Variants in WRAP73 observed in about 807,000 individuals in gnomAD.
WRAP73 encodes the protein WD repeat-containing protein WRAP73.
Under a neutral mutation model 59.6 loss-of-function variants are expected in WRAP73, and 55 were observed. That is an observed-to-expected ratio of 0.92 (90% confidence interval 0.74 to 1.15). The LOEUF (loss-of-function observed/expected upper bound fraction) is 1.15. WRAP73 is among the 50% of genes most tolerant of loss of function. The pLI, the probability that WRAP73 is intolerant of heterozygous loss-of-function variation, is 0.00. For synonymous variants in WRAP73, 265 were observed against 258.2 expected, an observed-to-expected ratio of 1.03 and a Z score of -0.25; for missense variants, 592 against 608.1, an observed-to-expected ratio of 0.97 and a Z score of 0.28.
At chr1:3,632,374 C>G in intron 9 of WRAP73, 36 bp from the exon 10 acceptor site, 1 of 1,613,796 alleles carries the variant, frequency 6.2e-7, no homozygotes, top group Non-Finnish European at 8.5e-7. Flanking sequence ...CCATTGTCAC[C>G]CTTTCGGGAA....
chr1:3,649,543 C>T (rs931378368), intron 1 of WRAP73, among the ~76,000 whole-genome samples: 1 of 152,218 alleles, frequency 6.6e-6, no homozygotes, highest in Non-Finnish European at 1.5e-5. Context: ...TCCCCAGACC[C>T]CCCACCTGTC....
At chr1:3,645,641 C>A (rs1161501821) in intron 3 of WRAP73, among the ~76,000 whole-genome samples, 2 of 152,222 alleles carry the variant, frequency 1.3e-5, no homozygotes, top group Non-Finnish European at 2.9e-5. Context: ...ATCAGAAAAG[C>A]ACATTATTAA....
intron 10 of WRAP73, 140 bp from the exon 11 acceptor site, chr1:3,631,797 G>T: frequency 1.4e-6 from 2 of 1,438,550 alleles, no homozygotes; most frequent in South Asian, 2.9e-5. Context: ...CTGCAGTCTG[G>T]GTTCAGTTGG....
Position 3,635,088 on chromosome 1 carries a change from C to T in WRAP73, c.739-14G>A, listed in dbSNP as rs370132851. The T allele has an allele frequency of 1.4e-5, 23 of 1,614,198 alleles. No individual in the cohort carries two copies. The African/African-American group carries it at 2.4e-4, about 17-fold the overall frequency. ...AAGGATGCGCACCTGAGGAAGGAAA[C>T]CATGCACAGGTGAGGCAGGGCCCGG... On this transcript the variant is annotated splice_polypyrimidine_tract_variant and intron_variant, in intron 7 of 11. Coordinates refer to ENST00000270708, the MANE Select transcript of WRAP73 (RefSeq NM_017818.4).
intron 3 of WRAP73, among the ~76,000 whole-genome samples, chr1:3,640,819 C>A (rs988471677): frequency 2.6e-5 from 4 of 152,234 alleles, no homozygotes; most frequent in African/African-American, 9.6e-5. Context: ...CATGTGCCAC[C>A]CAGGGCAGAG....
intron 3 of WRAP73, among the ~76,000 whole-genome samples, chr1:3,645,727 A>G (rs1644685342): frequency 6.6e-6 from 1 of 152,226 alleles, no homozygotes; most frequent in Admixed American, 6.5e-5. Context: ...CACTTGACAT[A>G]TGCCTAATTT....
At chr1:3,633,297 A>AG in intron 9 of WRAP73, 101 bp downstream of exon 9, 3 of 1,208,394 alleles carry the variant, frequency 2.5e-6, no homozygotes, top group South Asian at 1.3e-5. Context: ...AGGGAAAAAA[A>AG]GTTTTTTTTT....
chr1:3,645,402 T>C (rs1261306594), intron 3 of WRAP73, among the ~76,000 whole-genome samples: 46 of 130,850 alleles, frequency 3.5e-4, no homozygotes, highest in African/African-American at 1.3e-3. Context: ...GACGGGCGGG[T>C]TGCCCCGTGG....
intron 5 of WRAP73, chr1:3,636,290 C>A (rs1382420671): frequency 6.1e-6 from 3 of 492,262 alleles, no homozygotes; most frequent in Non-Finnish European, 1.1e-5. Context: ...TGCACACTCT[C>A]CCCCTCACCT....
rs1644695822 is a variant in WRAP73 at position 3,646,791 on chromosome 1, AGAG to A, written c.223-12_223-10del. The A allele has an allele frequency of 6.2e-7, 1 of 1,607,640 alleles. No homozygotes were observed. Among genetic ancestry groups the A allele is most frequent in the African/African-American group, 1.3e-5 (1 of 74,494 alleles). On this transcript the variant is annotated splice_polypyrimidine_tract_variant and intron_variant, in intron 2 of 11. Transcript: ENST00000270708. This position sits in a 1 kb window ranked among gnomAD's most constrained non-coding sequence, Gnocchi z 5.1. ...TGCTCTAAAGACCAGACCTGGATTG[AGAG>A]AAGAAAGAAACACACAAGTGCAAAC...
Position 3,650,049 on chromosome 1 carries a change from C to G in WRAP73, c.-50G>C, listed in dbSNP as rs772698789. ...CCCTGCGCCCGAAAACCCGCGGGACCCCTGGGCGCGCAGCAGGCTGCAACA... is the reference window on the plus strand; with the variant it reads ...CCCTGCGCCCGAAAACCCGCGGGACGCCTGGGCGCGCAGCAGGCTGCAACA... On this transcript the variant is annotated 5_prime_UTR_variant, in exon 1 of 12. Coordinates refer to ENST00000270708, the MANE Select transcript of WRAP73 (RefSeq NM_017818.4). The G allele has an allele frequency of 2.6e-6, 4 of 1,518,832 alleles. No individual in the cohort carries two copies. Among genetic ancestry groups the G allele is most frequent in the East Asian group, 2.6e-5 (1 of 38,790 alleles). 94.1% of individuals were successfully genotyped at this position (1,518,832 alleles called of 1,614,324 possible). A position where few individuals can be genotyped will look rare whatever the true frequency, so the allele number is the denominator to read the frequency against.
chr1:3,632,174 A>G, intron 10 of WRAP73, 39 bp downstream of exon 10: 1 of 1,590,558 alleles, frequency 6.3e-7, no homozygotes, highest in Non-Finnish European at 8.6e-7. Flanking sequence ...CACAGGACAC[A>G]GTAAAGGGTG....
intron 3 of WRAP73, among the ~76,000 whole-genome samples, chr1:3,644,562 T>C (rs1172317515): frequency 6.6e-6 from 1 of 152,244 alleles, no homozygotes; most frequent in Non-Finnish European, 1.5e-5. Flanking sequence ...AAAGTTCGCA[T>C]GCAAAGCTGG....
intron 4 of WRAP73, among the ~76,000 whole-genome samples, chr1:3,637,564 A>G (rs1018820463): frequency 6.6e-6 from 1 of 152,252 alleles, no homozygotes; most frequent in Non-Finnish European, 1.5e-5. Context: ...ATGTGTGGCC[A>G]GGCATGGTGG....
In WRAP73 at chr1:3,639,126, A is replaced by C; in HGVS notation, c.340-304T>G. ...AAAGTGACCATAGGTTGCATGTTAT[A>C]ATAACCCTGAGTTACTCAGAGAAAA... On this transcript the variant is annotated intron_variant, in intron 3 of 11. Transcript: ENST00000270708. The surrounding 1 kb of genome is among the most constrained non-coding windows in gnomAD (Gnocchi z 4.3). 1 of 350,780 alleles carries C rather than the reference A, an allele frequency of 2.9e-6. No individual in the cohort carries two copies. Among genetic ancestry groups the C allele is most frequent in the South Asian group, 3.4e-5 (1 of 29,800 alleles). 21.7% of individuals were successfully genotyped at this position (350,780 alleles called of 1,614,324 possible).
intron 3 of WRAP73, 71 bp from the exon 4 acceptor site, chr1:3,638,893 C>T: frequency 1.9e-6 from 3 of 1,563,862 alleles, no homozygotes; most frequent in South Asian, 1.1e-5. Context: ...CAATCCTCAA[C>T]CCGCCCACGC....
At position 3,635,308 on chromosome 1, in the gene WRAP73, A is replaced by G; in HGVS notation, c.604-14T>C. 6.2e-7 allele frequency: 1 copy of G among 1,613,460 alleles called. No individual in the cohort carries two copies. Among genetic ancestry groups the G allele is most frequent in the Non-Finnish European group, 8.5e-7 (1 of 1,179,856 alleles). ...CAGAATCTTGTACTGCAGATGAGAC[A>G]TTTCAGTTAATAATGAATACACCCC... On this transcript the variant is annotated splice_polypyrimidine_tract_variant and intron_variant, in intron 6 of 11. Transcript: ENST00000270708.
chr1:3,643,412 C>G (rs930077065), intron 3 of WRAP73, among the ~76,000 whole-genome samples: 2 of 152,256 alleles, frequency 1.3e-5, no homozygotes, highest in Admixed American at 6.5e-5. Flanking sequence ...CGCTGCAGGC[C>G]TAGGGGTGAG....
At chr1:3,632,540 G>C (rs1240666616) in intron 9 of WRAP73, 7 of 745,688 alleles carry the variant, frequency 9.4e-6, no homozygotes, top group Admixed American at 2.5e-5. Context: ...CCCCGGATGA[G>C]AGTGGCACCA....
Sources: gnomAD v4.1 joint callset for allele counts (sites outside exome capture counted in the v4.1 genomes callset) on GRCh38, gnomAD v4.1.1 for gene constraint, Gnocchi (gnomAD v3.1) non-coding constraint, MANE v1.5 for transcripts, NCBI Gene and HGNC (gene_info 2026-07-23, HGNC 2026-07-21) for gene names.